The following POLE variants were observed in gnomAD, a reference collection of about 807,000 sequenced individuals.
The protein encoded by POLE is DNA polymerase epsilon catalytic subunit A.
POLE carries 188 observed loss-of-function variants against 279.2 expected under a neutral mutation model. The observed-to-expected ratio is 0.67, with a 90% CI of 0.60 to 0.76. The LOEUF is 0.76. Ranked by LOEUF, POLE falls within the 30% of genes least tolerant of loss-of-function variation. POLE has a pLI of 0.00. For synonymous variants in POLE, 1,214 were observed against 1,172.5 expected (o/e 1.04, Z -0.72); for missense variants, 2,703 against 3,016.7 (o/e 0.90, Z 2.44).
At chr12:132,637,332 ACT>A (rs887979491) in intron 41 of POLE, among the ~76,000 whole-genome samples, 2 of 152,040 alleles carry the variant, frequency 1.3e-5, no homozygotes, top group African/African-American at 4.8e-5. Flanking sequence ...ACCCATGCAG[ACT>A]CTCTGTGCCT....
At chr12:132,637,911 C>A (rs910799397) in intron 41 of POLE, 103 bp downstream of exon 41, 1 of 1,358,020 alleles carries the variant, frequency 7.4e-7, no homozygotes, top group Non-Finnish European at 1.0e-6. Flanking sequence ...GCACTTCTAA[C>A]GACCTCCCAG....
rs2135948554 is a variant in POLE, at chr12:132,661,587, C to T, written c.2804G>A (p.Gly935Glu). 1 of 1,614,182 alleles carries T rather than the reference C, an allele frequency of 6.2e-7. No individual in the cohort carries two copies. Among genetic ancestry groups the T allele is most frequent in the Non-Finnish European group, 8.5e-7 (1 of 1,180,036 alleles). The change falls in exon 24 of 49, where the codon GGG becomes GAG. Residue 935 changes from glycine (G) to glutamate (E), a missense_variant. Coordinates refer to ENST00000320574, the MANE Select transcript of POLE (RefSeq NM_006231.4). The surrounding 1 kb of genome is among the most constrained non-coding windows in gnomAD (Gnocchi z 4.1). ...TGGAAGAATCATGGCAAGGTAGGGC[C>T]CATCAACCTCAAAAAAGATGCTGTT... ...SENSIFFEVD[G>E]PYLAMILPAS...
chr12:132,625,867 C>T (rs1353588080), intron 46 of POLE, 97 bp from the exon 47 acceptor site: 39 of 1,508,742 alleles, frequency 2.6e-5, no homozygotes, highest in Non-Finnish European at 3.4e-5. Context: ...TGAGAAGCGC[C>T]TGGTGACGGG....
rs5744824 is a variant in POLE at position 132,665,271 on chromosome 12, A to G, written c.2468+31T>C. The G allele has an allele frequency of 3.7e-3, 5,894 of 1,606,554 alleles. 12 individuals carry two copies. The highest frequency in any genetic ancestry group is 4.7e-3 in the Non-Finnish European group (5,557 of 1,174,224). ...AAACGTGGACTCATCCATTCCTCCC[A>G]TAAGCCTCTCCCGGGCCCGGGCCCA... On this transcript the variant is annotated intron_variant, in intron 21 of 48. Transcript: ENST00000320574.
In POLE at chr12:132,668,945, G is replaced by C. The variant is rs1555227428; in HGVS notation, c.1795-6C>G. The C allele has an allele frequency of 6.2e-7, 1 of 1,613,554 alleles. No homozygotes were observed. The highest frequency in any genetic ancestry group is 2.2e-5 in the East Asian group (1 of 44,856). ...CTCTTAATCTCATCACACACCTGCA[G>C]AGAAAGCGAAACTCAGTAGAGGCTG... On this transcript the variant is annotated splice_polypyrimidine_tract_variant and splice_region_variant and intron_variant, in intron 16 of 48. Coordinates refer to ENST00000320574, the MANE Select transcript of POLE (RefSeq NM_006231.4). This position sits in a 1 kb window ranked among gnomAD's most constrained non-coding sequence, Gnocchi z 4.0.
At chr12:132,641,211 G>A in intron 39 of POLE, 1 of 386,646 alleles carries the variant, frequency 2.6e-6, no homozygotes, top group Non-Finnish European at 5.2e-6. Context: ...GGTAATGCGA[G>A]TAGCTGCCCT....
intron 32 of POLE, among the ~76,000 whole-genome samples, chr12:132,644,393 T>C (rs2042228312): frequency 6.8e-6 from 1 of 146,950 alleles, no homozygotes. Flanking sequence ...CTCAAACTCC[T>C]GGACTCAAGT....
intron 29 of POLE, among the ~76,000 whole-genome samples, chr12:132,652,718 A>G (rs1254895694): frequency 5.3e-5 from 8 of 152,122 alleles, no homozygotes; most frequent in African/African-American, 1.9e-4. Context: ...CTCTCTCCTT[A>G]ACGATCTGTG....
chr12:132,625,509 G>A (rs1018511356), intron 47 of POLE, 136 bp downstream of exon 47: 7 of 1,089,080 alleles, frequency 6.4e-6, no homozygotes, highest in Admixed American at 5.2e-5. Flanking sequence ...TCAGGGCATG[G>A]ACTGGTCTGC....
At chr12:132,627,379 G>GC (rs1043204458) in intron 45 of POLE, among the ~76,000 whole-genome samples, 58 of 152,246 alleles carry the variant, frequency 3.8e-4, no homozygotes, top group Non-Finnish European at 6.3e-4. Flanking sequence ...GCTCACTGCA[G>GC]CATTGACCTC....
intron 45 of POLE, 70 bp from the exon 46 acceptor site, chr12:132,626,387 C>A (rs1359787451): frequency 4.9e-6 from 7 of 1,427,108 alleles, no homozygotes; most frequent in Non-Finnish European, 3.9e-6. Flanking sequence ...TGGACCAGAA[C>A]CCTCTGGACC....
At chr12:132,679,843 C>A (rs2043130680) in intron 5 of POLE, 111 bp downstream of exon 5, 4 of 976,014 alleles carry the variant, frequency 4.1e-6, no homozygotes, top group Middle Eastern at 2.3e-4. Context: ...GTCACCACAC[C>A]GCCCCATCAC....
rs200868396 is a variant in POLE, at chr12:132,645,809, CACACACAA to C, written c.4150-1840_4150-1833del. ...CGACACACACACACACCCACACACA[CACACACAA>C]AATCAAAGAAATGAAAAATTATGTT... On this transcript the variant is annotated intron_variant, in intron 32 of 48. Coordinates refer to ENST00000320574, the MANE Select transcript of POLE (RefSeq NM_006231.4). Among the ~76,000 whole-genome samples, 1,357 of 150,886 alleles carry C rather than the reference CACACACAA, an allele frequency of 9.0e-3. 15 individuals carry two copies. Among genetic ancestry groups the C allele is most frequent in the African/African-American group, 0.032 (1,297 of 40,242 alleles).
intron 45 of POLE, among the ~76,000 whole-genome samples, chr12:132,627,175 T>A (rs2041856224): frequency 6.6e-6 from 1 of 151,728 alleles, no homozygotes; most frequent in African/African-American, 2.4e-5. Flanking sequence ...CCCAGCTACC[T>A]GGGAGGCTGA....
In POLE at chr12:132,661,145, C is replaced by T. The variant is rs2138692315; in HGVS notation, c.2884G>A (p.Asp962Asn). 1 of 1,608,954 alleles carries T rather than the reference C, an allele frequency of 6.2e-7. No homozygotes were observed. Among genetic ancestry groups the T allele is most frequent in the Non-Finnish European group, 8.5e-7 (1 of 1,177,852 alleles). Residue 962 changes from aspartate to asparagine, a missense_variant, in exon 25 of 49, where the codon GAC (aspartate) becomes AAC (asparagine). Physicochemically the swap from Asp to Asn is conservative, Grantham distance 23. Around this residue, in one of 5 missense-constraint regions of POLE, gnomAD observed 101 missense variants for 115.4 expected, o/e 0.87. Coordinates refer to ENST00000320574, the MANE Select transcript of POLE (RefSeq NM_006231.4). This position sits in a 1 kb window ranked among gnomAD's most constrained non-coding sequence, Gnocchi z 4.1. Reference sequence around the variant, plus strand: ...CCCTTGAGCTCAGCCAGAGAACCGTCTTCATTGAACACAGCATACCTGAAA... The same window carrying T: ...CCCTTGAGCTCAGCCAGAGAACCGTTTTCATTGAACACAGCATACCTGAAA... The part of the protein sequence containing the change: ...LKKRYAVFNE[D>N]GSLAELKGFE...
In POLE at chr12:132,673,194, C is replaced by T. The variant is rs1593072246; in HGVS notation, c.1443G>A (p.Leu481=). The T allele has an allele frequency of 6.2e-7, 1 of 1,612,946 alleles. No homozygotes were observed. Among genetic ancestry groups the T allele is most frequent in the Non-Finnish European group, 8.5e-7 (1 of 1,178,910 alleles). The part of the protein sequence containing the change: ...MKYVHPFIFA[L]CTIIPMEPDE... Reference sequence around the variant, plus strand: ...CGGGCTCCATGGGAATAATGGTGCACAGAGCAAAGATGAATGGGTGGACGT... The same window carrying T: ...CGGGCTCCATGGGAATAATGGTGCATAGAGCAAAGATGAATGGGTGGACGT... The change falls in exon 14 of 49, where the codon CTG becomes CTA. Residue 481 remains leucine (L), a synonymous_variant. Transcript: ENST00000320574.
intron 43 of POLE, chr12:132,633,030 A>C: frequency 3.8e-5 from 19 of 496,446 alleles, no homozygotes; most frequent in Middle Eastern, 5.4e-4. Flanking sequence ...AACTGTATAA[A>C]TGGGGCCATG....
chr12:132,671,127 G>A (rs1282764484), intron 16 of POLE, among the ~76,000 whole-genome samples: 1 of 151,886 alleles, frequency 6.6e-6, no homozygotes, highest in African/African-American at 2.4e-5. Context: ...GCCAGGCATG[G>A]TGGTGGGCAC....
intron 45 of POLE, among the ~76,000 whole-genome samples, chr12:132,629,743 A>G (rs941904935): frequency 6.6e-6 from 1 of 152,174 alleles, no homozygotes; most frequent in Non-Finnish European, 1.5e-5. Context: ...TTTATCTTTC[A>G]TGTGTTCACT....
Sources: gnomAD v4.1 joint callset for allele counts (sites outside exome capture counted in the v4.1 genomes callset) on GRCh38, gnomAD v4.1.1 for gene constraint, gnomAD v4.1.1 regional missense constraint, Gnocchi (gnomAD v3.1) non-coding constraint, MANE v1.5 for transcripts, NCBI Gene and HGNC (gene_info 2026-07-23, HGNC 2026-07-21) for gene names.